The following HIBADH variants were observed in gnomAD, a reference collection of about 807,000 sequenced individuals.
HIBADH encodes 3-hydroxyisobutyrate dehydrogenase.
Under a neutral mutation model 36.1 loss-of-function variants are expected in HIBADH, and 25 were observed. That is an observed-to-expected ratio of 0.69 (90% CI 0.50 to 0.97). The LOEUF is 0.97. Among genes scored for constraint, HIBADH ranks in the 50% least tolerant of loss-of-function variants. HIBADH has a pLI of 0.00. For missense variants in HIBADH, 421 were observed against 418.0 expected (o/e 1.01, Z -0.06); for synonymous variants, 160 against 149.5 (o/e 1.07, Z -0.51).
chr7:27,564,690 T>C (rs1490476696), intron 4 of HIBADH, among the ~76,000 whole-genome samples: 1 of 152,198 alleles, frequency 6.6e-6, no homozygotes, highest in Non-Finnish European at 1.5e-5. Flanking sequence ...ATAGATGCAA[T>C]AAAAAGTAAT....
In HIBADH at chr7:27,557,145, GA is replaced by G. The variant is rs59417841; in HGVS notation, c.485-14046del. Reference sequence around the variant, plus strand: ...ACAGAGTGAGACCCTGTCTAAAAAGGAAAAAAAAAAAAATTGGCATTTTTTA... The same window carrying G: ...ACAGAGTGAGACCCTGTCTAAAAAGGAAAAAAAAAAAATTGGCATTTTTTA... On this transcript the variant is annotated intron_variant, in intron 4 of 7. Coordinates refer to ENST00000265395, the MANE Select transcript of HIBADH (RefSeq NM_152740.4). Among the ~76,000 whole-genome samples, 371 of 144,410 alleles carry G rather than the reference GA, an allele frequency of 2.6e-3. 6 individuals carry two copies. Among genetic ancestry groups the G allele is most frequent in the Admixed American group, 0.014 (204 of 14,518 alleles). 94.7% of individuals were successfully genotyped at this position (144,410 alleles called of 152,430 possible).
intron 1 of HIBADH, among the ~76,000 whole-genome samples, chr7:27,653,042 T>C (rs566800609): frequency 9.5e-4 from 144 of 152,156 alleles, no homozygotes; most frequent in African/African-American, 3.3e-3. Context: ...GGCAGGAGGA[T>C]TGCTTGAACA....
intron 4 of HIBADH, among the ~76,000 whole-genome samples, chr7:27,585,243 GTGCATATATACACACGTGTGTA>G (rs1490858077): frequency 2.9e-5 from 4 of 140,168 alleles, no homozygotes; most frequent in East Asian, 2.6e-4. Context: ...GCACACACGT[GTGCATATATACACACGTGTGTA>G]TGTATGTGTA....
chr7:27,650,939 G>A (rs1287962905), intron 1 of HIBADH, among the ~76,000 whole-genome samples: 1 of 152,110 alleles, frequency 6.6e-6, no homozygotes, highest in African/African-American at 2.4e-5. Context: ...CTATGACAGA[G>A]CTCAGAGACA....
intron 4 of HIBADH, among the ~76,000 whole-genome samples, chr7:27,574,192 A>T: frequency 1.2e-5 from 1 of 83,210 alleles, no homozygotes; most frequent in South Asian, 3.8e-4. Context: ...CAGAGTTAGA[A>T]AATCTCTTTA....
In HIBADH at chr7:27,594,957, T is replaced by C. The variant is rs138914300; in HGVS notation, c.484+34414A>G. Among the ~76,000 whole-genome samples, 65 of 152,330 alleles carry C rather than the reference T, an allele frequency of 4.3e-4. No homozygotes were observed. The East Asian group carries it at 0.011, about 27-fold the overall frequency. On this transcript the variant is annotated intron_variant, in intron 4 of 7. Transcript: ENST00000265395. ...ATAAACTGCAAAGGAATAAAAAATT[T>C]AAGTTTTTAAAAATGAAATCACAAA...
At chr7:27,624,950 T>C (rs1383006987) in intron 4 of HIBADH, among the ~76,000 whole-genome samples, 1 of 152,200 alleles carries the variant, frequency 6.6e-6, no homozygotes, top group African/African-American at 2.4e-5. Context: ...CACCTTTCCA[T>C]GGTGTGTAAG....
chr7:27,641,474 C>T (rs961019375), intron 2 of HIBADH, among the ~76,000 whole-genome samples: 2 of 152,196 alleles, frequency 1.3e-5, no homozygotes, highest in Admixed American at 6.5e-5. Flanking sequence ...TTTAAACCCA[C>T]CCTTCAGGGC....
intron 2 of HIBADH, among the ~76,000 whole-genome samples, chr7:27,649,002 T>G (rs1786127202): frequency 6.6e-6 from 1 of 152,198 alleles, no homozygotes. Context: ...TCGTTCACAT[T>G]TTAAGAATGA....
chr7:27,577,922 A>C (rs142673097), intron 4 of HIBADH, among the ~76,000 whole-genome samples: 1 of 152,222 alleles, frequency 6.6e-6, no homozygotes, highest in Non-Finnish European at 1.5e-5. Context: ...CAACAACTGA[A>C]TCACCATTTA....
At chr7:27,532,214 A>G (rs1367469750) in intron 6 of HIBADH, among the ~76,000 whole-genome samples, 1 of 152,232 alleles carries the variant, frequency 6.6e-6, no homozygotes, top group East Asian at 1.9e-4. Flanking sequence ...GGGAAGCACA[A>G]TTTTGCTAGG....
chr7:27,647,527 A>C (rs1462984813), intron 2 of HIBADH: 2 of 174,496 alleles, frequency 1.1e-5, no homozygotes, highest in African/African-American at 2.4e-5. Flanking sequence ...GAGATAATAC[A>C]TACAAAATAT....
intron 6 of HIBADH, among the ~76,000 whole-genome samples, chr7:27,538,042 G>A (rs1400503638): frequency 2.6e-5 from 4 of 152,120 alleles, no homozygotes; most frequent in Admixed American, 6.6e-5. Flanking sequence ...AGTGTTTCTT[G>A]TATTTCAACA....
intron 4 of HIBADH, among the ~76,000 whole-genome samples, chr7:27,576,257 G>T (rs553785510): frequency 6.6e-6 from 1 of 152,316 alleles, no homozygotes; most frequent in East Asian, 1.9e-4. Flanking sequence ...AAACTGTGTG[G>T]ATGTGGAGGC....
At chr7:27,561,359 A>G (rs772935306) in intron 4 of HIBADH, among the ~76,000 whole-genome samples, 4 of 152,098 alleles carry the variant, frequency 2.6e-5, no homozygotes, top group African/African-American at 4.8e-5. Context: ...ATTTTTTCTT[A>G]TATGACTTAT....
At chr7:27,593,317 T>C (rs1431379817) in intron 4 of HIBADH, among the ~76,000 whole-genome samples, 1 of 152,122 alleles carries the variant, frequency 6.6e-6, no homozygotes, top group Admixed American at 6.5e-5. Flanking sequence ...CCAAAACGCT[T>C]CAGGTCCCAA....
In HIBADH at chr7:27,624,845, T is replaced by G. The variant is rs114875564; in HGVS notation, c.484+4526A>C. 2.5e-3 allele frequency among the ~76,000 whole-genome samples: 381 copies of G among 152,344 alleles called. 2 individuals carry two copies. Among genetic ancestry groups the G allele is most frequent in the African/African-American group, 8.8e-3 (365 of 41,590 alleles). On this transcript the variant is annotated intron_variant, in intron 4 of 7. Transcript: ENST00000265395. The stretch of plus-strand genomic sequence containing the variant: ...GCTTATCCTGTCTATTTCACATGGT[T>G]GTTTTTCCAGTTGAAGTCAACTCAA...
intron 2 of HIBADH, 120 bp from the exon 3 acceptor site, chr7:27,632,565 T>C (rs1562652474): frequency 2.0e-6 from 1 of 507,868 alleles, no homozygotes; most frequent in Non-Finnish European, 3.5e-6. Context: ...AGACTAATCC[T>C]TGTTTGCAAA....
chr7:27,622,678 C>T (rs961496275), intron 4 of HIBADH, among the ~76,000 whole-genome samples: 3 of 152,040 alleles, frequency 2.0e-5, no homozygotes, highest in African/African-American at 7.2e-5. Flanking sequence ...GGAAAACCTA[C>T]AGGAAATGAA....
Sources: gnomAD v4.1 joint callset for allele counts (sites outside exome capture counted in the v4.1 genomes callset) on GRCh38, gnomAD v4.1.1 for gene constraint, MANE v1.5 for transcripts, NCBI Gene and HGNC (gene_info 2026-07-23, HGNC 2026-07-21) for gene names.